The following ZNF138 variants were observed in gnomAD, a reference collection of about 807,000 sequenced individuals.
The protein encoded by ZNF138 is zinc finger protein 138 (clone pHZ-32).
ZNF138 carries 33 observed loss-of-function variants against 33.0 expected under a neutral mutation model. The ratio of observed to expected loss-of-function variants is 1.00; its 90% confidence interval spans 0.76 to 1.34. The LOEUF (loss-of-function observed/expected upper bound fraction) is 1.34, where lower values mean the gene tolerates loss of function less well. Among genes scored for constraint, ZNF138 ranks in the 40% most tolerant of loss-of-function variants. The pLI is 0.00. For missense variants in ZNF138, 360 were observed against 370.8 expected (o/e 0.97, Z 0.24); for synonymous variants, 139 against 120.4 (o/e 1.15, Z -1.01).
chr7:64,832,932 T>C lies in ZNF138; in HGVS notation c.*730T>C. 1 of 387,058 alleles carries C rather than the reference T, an allele frequency of 2.6e-6. No individual in the cohort carries two copies. Among genetic ancestry groups the C allele is most frequent in the Non-Finnish European group, 5.2e-6 (1 of 192,110 alleles). The allele number at this position is 387,058 out of a possible 1,614,324, so 24.0% of individuals were successfully genotyped here. ...AATGAAACCCTACAAATGTGAACGATGTGGCAGTTGTTTTAACTAGTTCTC... is the reference window on the plus strand; with the variant it reads ...AATGAAACCCTACAAATGTGAACGACGTGGCAGTTGTTTTAACTAGTTCTC... On this transcript the variant is annotated 3_prime_UTR_variant, in exon 4 of 4. Coordinates refer to ENST00000307355, the MANE Select transcript of ZNF138 (RefSeq NM_001271639.2).
intron 3 of ZNF138, among the ~76,000 whole-genome samples, chr7:64,819,412 G>A (rs139619831): frequency 6.7e-6 from 1 of 148,590 alleles, no homozygotes; most frequent in African/African-American, 2.5e-5. Flanking sequence ...CTTTTGCCCG[G>A]GTTGGAGTGC....
intron 3 of ZNF138, among the ~76,000 whole-genome samples, chr7:64,817,518 CT>C (rs1196193511): frequency 1.3e-5 from 2 of 152,172 alleles, no homozygotes; most frequent in Non-Finnish European, 2.9e-5. Context: ...CTTAAAAACA[CT>C]TATTTTTGAC....
chr7:64,837,953 G>A (rs1307619762), downstream of ZNF138, among the ~76,000 whole-genome samples: 2 of 152,178 alleles, frequency 1.3e-5, no homozygotes, highest in African/African-American at 4.8e-5. Context: ...GGTCTAGGCG[G>A]AAGGGCAGTG....
chr7:64,841,935 CT>C, the ZNF138 span, among the ~76,000 whole-genome samples: 1 of 152,138 alleles, frequency 6.6e-6, no homozygotes, highest in Non-Finnish European at 1.5e-5. Flanking sequence ...AACGGAAAAT[CT>C]TATTAAATTC....
At chr7:64,831,221 T>G in intron 3 of ZNF138, 2 of 1,218,378 alleles carry the variant, frequency 1.6e-6, no homozygotes, top group Non-Finnish European at 1.1e-6. Flanking sequence ...GTGTGGCTCT[T>G]TGCATTGTGC....
downstream of ZNF138, chr7:64,836,713 A>C (rs1790376468): frequency 1.3e-5 from 2 of 152,106 alleles, no homozygotes; most frequent in African/African-American, 4.8e-5. Flanking sequence ...ATTTTCTTTG[A>C]CCCAGCTGGT....
chr7:64,805,540 G>T (rs146385297), intron 1 of ZNF138, among the ~76,000 whole-genome samples: 350 of 152,316 alleles, frequency 2.3e-3, no homozygotes, highest in African/African-American at 7.9e-3. Flanking sequence ...GAGTGCTGCT[G>T]TGGCAATTGG....
At chr7:64,846,569 G>T in the ZNF138 span, among the ~76,000 whole-genome samples, 3 of 152,274 alleles carry the variant, frequency 2.0e-5, no homozygotes, top group East Asian at 5.8e-4. Flanking sequence ...CAGCTTGGTT[G>T]CTGTTGGTAT....
chr7:64,832,892 G>A lies in ZNF138; in HGVS notation c.*690G>A. On this transcript the variant is annotated 3_prime_UTR_variant, in exon 4 of 4. Transcript: ENST00000307355. ...AGTTCTCACAACTTGCTATACATAAGATGATTCACACTTGAATGAAACCCT... is the reference window on the plus strand; with the variant it reads ...AGTTCTCACAACTTGCTATACATAAAATGATTCACACTTGAATGAAACCCT... The A allele has an allele frequency of 2.6e-6, 1 of 390,168 alleles. No homozygotes were observed. The allele number at this position is 390,168 out of a possible 1,614,324, so 24.2% of individuals were successfully genotyped here.
chr7:64,800,312 C>T lies in ZNF138; in HGVS notation c.3+5741C>T, dbSNP rs141808145. 9.9e-5 allele frequency among the ~76,000 whole-genome samples: 15 copies of T among 152,196 alleles called. No individual in the cohort carries two copies. In the East Asian group the frequency reaches 2.5e-3, roughly 25 times the overall value. On this transcript the variant is annotated intron_variant, in intron 1 of 3. Transcript: ENST00000307355. ...ATGCTTCCAGTTTGTCCATTCAGTA[C>T]GTTGGTTGTGGGTTTGTCTTGGATA... is the stretch of plus-strand genomic sequence containing the variant.
At chr7:64,826,354 A>T (rs948693178) in intron 3 of ZNF138, among the ~76,000 whole-genome samples, 9 of 152,100 alleles carry the variant, frequency 5.9e-5, no homozygotes, top group African/African-American at 2.2e-4. Flanking sequence ...ATGTTGTCTC[A>T]CCACAACCTC....
Position 64,794,499 on chromosome 7 carries a change from T to G in ZNF138, c.-70T>G. 5 of 1,608,146 alleles carry G rather than the reference T, an allele frequency of 3.1e-6. No homozygotes were observed. Among genetic ancestry groups the G allele is most frequent in the Non-Finnish European group, 4.3e-6 (5 of 1,176,018 alleles). ...TCCTCTTACTCCTAGAGGCCCAGCC[T>G]CTGTGGCGCTGTGATCTGGTTATTG... is the stretch of plus-strand genomic sequence containing the variant. On this transcript the variant is annotated 5_prime_UTR_variant, in exon 1 of 4. Coordinates refer to ENST00000307355, the MANE Select transcript of ZNF138 (RefSeq NM_001271639.2).
chr7:64,832,695 A>G lies in ZNF138; in HGVS notation c.*493A>G, dbSNP rs986549887. The G allele has an allele frequency of 9.3e-6, 4 of 431,782 alleles. No individual in the cohort carries two copies. The allele number at this position is 431,782 out of a possible 1,614,324, so 26.7% of individuals were successfully genotyped here. The stretch of plus-strand genomic sequence containing the variant: ...ATGTGAACAGTGTGGCAAGGTCTTT[A>G]AGAAGTCCTCAACTCTTACTGCACA... On this transcript the variant is annotated 3_prime_UTR_variant, in exon 4 of 4. Transcript: ENST00000307355.
intron 1 of ZNF138, among the ~76,000 whole-genome samples, chr7:64,809,751 G>A (rs1469135408): frequency 2.1e-5 from 3 of 144,538 alleles, no homozygotes; most frequent in Admixed American, 6.8e-5. Flanking sequence ...CGGGGCGGCC[G>A]GGCAGAGATG....
chr7:64,812,744 G>A (rs1206702959), intron 1 of ZNF138, among the ~76,000 whole-genome samples: 1 of 152,012 alleles, frequency 6.6e-6, no homozygotes, highest in Non-Finnish European at 1.5e-5. Context: ...AACAGGTGGT[G>A]CTGACACCTT....
chr7:64,848,299 A>G, the ZNF138 span, among the ~76,000 whole-genome samples: 1 of 152,082 alleles, frequency 6.6e-6, no homozygotes, highest in Non-Finnish European at 1.5e-5. Flanking sequence ...AGGTTTGCTC[A>G]CTTAAAATCA....
chr7:64,835,531 G>A (rs914527902), downstream of ZNF138: 25 of 151,844 alleles, frequency 1.6e-4, no homozygotes, highest in African/African-American at 5.8e-4. Context: ...GGGTGGAGAG[G>A]GTCCTAGGAA....
chr7:64,825,294 T>C (rs1789495185), intron 3 of ZNF138, among the ~76,000 whole-genome samples: 1 of 145,270 alleles, frequency 6.9e-6, no homozygotes, highest in South Asian at 2.3e-4. Flanking sequence ...TGCCTCAGCC[T>C]CCCAAGTAGC....
chr7:64,829,927 A>G (rs62456844), intron 3 of ZNF138, among the ~76,000 whole-genome samples: 6,657 of 151,836 alleles, frequency 0.044, 206 homozygotes, highest in East Asian at 0.14. Flanking sequence ...AGTGGAAGAA[A>G]CTCCTTTCAG....
Sources: gnomAD v4.1 joint callset for allele counts (sites outside exome capture counted in the v4.1 genomes callset) on GRCh38, gnomAD v4.1.1 for gene constraint, MANE v1.5 for transcripts, NCBI Gene and HGNC (gene_info 2026-07-23, HGNC 2026-07-21) for gene names.